The following ZFP1 variants were observed in gnomAD, a reference collection of about 807,000 sequenced individuals.
The protein encoded by ZFP1 is ZFP1 zinc finger protein, also known as zinc finger protein 1 homolog.
ZFP1 carries 32 observed loss-of-function variants against 38.5 expected under a neutral mutation model. The observed-to-expected ratio is 0.83, with a 90% CI of 0.63 to 1.12. The LOEUF (loss-of-function observed/expected upper bound fraction) is 1.12, where lower values mean the gene tolerates loss of function less well. Ranked by LOEUF, ZFP1 falls within the 50% of genes most tolerant of loss-of-function variation. The pLI is 0.00. For missense variants in ZFP1, 616 were observed against 480.8 expected (o/e 1.28, Z -2.63); for synonymous variants, 245 against 168.8 (o/e 1.45, Z -3.50).
chr16:75,132,494 A>C, the ZFP1 span: 1 of 151,838 alleles, frequency 6.6e-6, no homozygotes, highest in African/African-American at 2.4e-5. Flanking sequence ...ATTTCTTATG[A>C]ACTATTATAT....
intron 2 of ZFP1, among the ~76,000 whole-genome samples, chr16:75,154,379 C>G (rs2037365954): frequency 6.6e-6 from 1 of 152,266 alleles, no homozygotes; most frequent in African/African-American, 2.4e-5. Context: ...TAAGTTTTGG[C>G]AATTATAAAT....
At chr16:75,134,536 C>T in the ZFP1 span, among the ~76,000 whole-genome samples, 1 of 151,608 alleles carries the variant, frequency 6.6e-6, no homozygotes, top group East Asian at 1.9e-4. Context: ...GCGGGTGGAT[C>T]ACAAGGTCAG....
chr16:75,128,628 C>A, the ZFP1 span, among the ~76,000 whole-genome samples: 1 of 152,232 alleles, frequency 6.6e-6, no homozygotes, highest in African/African-American at 2.4e-5. Flanking sequence ...ATAATGTTTT[C>A]AAATTTTTCC....
chr16:75,148,899 A>G (rs2037025530), intron 1 of ZFP1: 1 of 151,948 alleles, frequency 6.6e-6, no homozygotes, highest in Admixed American at 6.6e-5. Context: ...TCTCTTTGTC[A>G]GGAGATGCGC....
chr16:75,166,625 T>C lies in ZFP1; in HGVS notation c.16-145T>C, dbSNP rs192837181. 5.4e-6 allele frequency: 8 copies of C among 1,473,952 alleles called. No individual in the cohort carries two copies. In the Admixed American group the frequency reaches 1.8e-4, roughly 33 times the overall value. The allele number at this position is 1,473,952 out of a possible 1,614,324, so 91.3% of individuals were successfully genotyped here. A position where few individuals can be genotyped will look rare whatever the true frequency, so the allele number is the denominator to read the frequency against. On this transcript the variant is annotated intron_variant, in intron 2 of 3. Transcript: ENST00000570010. ...TCTCAACTATTTATAAAAATATATT[T>C]TGGAAGACATGAACAAAAACAGTGA...
chr16:75,164,767 A>G (rs2037971654), intron 2 of ZFP1, among the ~76,000 whole-genome samples: 2 of 151,798 alleles, frequency 1.3e-5, no homozygotes, highest in Non-Finnish European at 2.9e-5. Context: ...TGTGAAAATG[A>G]TTTGAAATAA....
the ZFP1 span, among the ~76,000 whole-genome samples, chr16:75,123,815 G>T: frequency 6.6e-6 from 1 of 150,882 alleles, no homozygotes; most frequent in African/African-American, 2.4e-5. Context: ...GTCCCAGCCA[G>T]GTGTGGTGGC....
At chr16:75,144,674 G>A (rs142529539), upstream of ZFP1, among the ~76,000 whole-genome samples, 40 of 152,212 alleles carry the variant, frequency 2.6e-4, no homozygotes, top group East Asian at 7.3e-3. Flanking sequence ...AAACAGAAAC[G>A]CTATACCGTT....
chr16:75,150,723 C>G (rs1272369171), intron 1 of ZFP1, among the ~76,000 whole-genome samples: 1 of 152,142 alleles, frequency 6.6e-6, no homozygotes, highest in African/African-American at 2.4e-5. Context: ...CTGCACCAGG[C>G]CTGTTGTAGT....
chr16:75,135,511 C>G, the ZFP1 span, among the ~76,000 whole-genome samples: 1 of 152,112 alleles, frequency 6.6e-6, no homozygotes, highest in African/African-American at 2.4e-5. Context: ...AGCCTGTAAT[C>G]AATTCCAACA....
chr16:75,134,923 G>A, the ZFP1 span, among the ~76,000 whole-genome samples: 4 of 151,796 alleles, frequency 2.6e-5, no homozygotes, highest in East Asian at 3.9e-4. Context: ...GTGTGGTGGC[G>A]CATGCCTGTA....
chr16:75,168,546 A>ACAT (rs562522727), intron 3 of ZFP1, among the ~76,000 whole-genome samples: 20 of 19,898 alleles, frequency 1.0e-3, no homozygotes, highest in African/African-American at 4.8e-3. Flanking sequence ...CAACTTCAGT[A>ACAT]GAAAAAAAAA....
the ZFP1 span, among the ~76,000 whole-genome samples, chr16:75,133,463 T>C: frequency 3.3e-5 from 5 of 152,142 alleles, no homozygotes; most frequent in African/African-American, 1.2e-4. Context: ...TGTTGTTTCC[T>C]TCTCTGTGTT....
At chr16:75,155,330 T>G (rs1414130148) in intron 2 of ZFP1, among the ~76,000 whole-genome samples, 1 of 152,188 alleles carries the variant, frequency 6.6e-6, no homozygotes, top group Non-Finnish European at 1.5e-5. Context: ...GATGGAGTTT[T>G]GCCCTGTCGC....
At chr16:75,152,834 T>C in intron 1 of ZFP1, 75 bp from the exon 2 acceptor site, 7 of 1,426,782 alleles carry the variant, frequency 4.9e-6, no homozygotes, top group Middle Eastern at 3.6e-4. Flanking sequence ...TAGGGGTTTC[T>C]AAACAAGTCA....
rs2037279544 is a variant in ZFP1 at position 75,152,913 on chromosome 16, G to C, written c.-39G>C. 1.2e-6 allele frequency: 2 copies of C among 1,612,786 alleles called. No individual in the cohort carries two copies. Among genetic ancestry groups the C allele is most frequent in the East Asian group, 4.5e-5 (2 of 44,814 alleles). On this transcript the variant is annotated 5_prime_UTR_variant, in exon 2 of 4. Transcript: ENST00000570010. ...TTCCTTTTTCCTCTATTCCAGTTCTGCCTTCATAGTTCTCTGCCTTTGCCC... is the reference window on the plus strand; with the variant it reads ...TTCCTTTTTCCTCTATTCCAGTTCTCCCTTCATAGTTCTCTGCCTTTGCCC...
chr16:75,140,852 G>A, the ZFP1 span, among the ~76,000 whole-genome samples: 1 of 152,032 alleles, frequency 6.6e-6, no homozygotes. Context: ...CCAGCTACTC[G>A]GAAGGCTGAG....
At chr16:75,135,936 C>G in the ZFP1 span, among the ~76,000 whole-genome samples, 1 of 152,196 alleles carries the variant, frequency 6.6e-6, no homozygotes, top group African/African-American at 2.4e-5. Context: ...CTGCCTCAGC[C>G]TCCCGAGTAA....
chr16:75,165,784 G>C (rs2038044020), intron 2 of ZFP1, among the ~76,000 whole-genome samples: 1 of 151,882 alleles, frequency 6.6e-6, no homozygotes, highest in Admixed American at 6.6e-5. Flanking sequence ...CCTGGTGTGG[G>C]GTGTGTTGGA....
Sources: gnomAD v4.1 joint callset for allele counts (sites outside exome capture counted in the v4.1 genomes callset) on GRCh38, gnomAD v4.1.1 for gene constraint, MANE v1.5 for transcripts, NCBI Gene and HGNC (gene_info 2026-07-23, HGNC 2026-07-21) for gene names.